The following ZNF98 variants were observed in gnomAD, a reference collection of about 807,000 sequenced individuals.
ZNF98 encodes zinc finger protein 98.
A neutral mutation model predicts 12.8 loss-of-function variants in ZNF98; 8 were observed. That is an observed-to-expected ratio of 0.63 (90% CI 0.37 to 1.13). The LOEUF is 1.13. Ranked by LOEUF, ZNF98 falls within the 50% of genes most tolerant of loss-of-function variation. ZNF98 has a pLI of 0.01. For missense variants in ZNF98, 379 were observed against 666.1 expected, an observed-to-expected ratio of 0.57 and a Z score of 4.74; for synonymous variants, 112 against 223.5, an observed-to-expected ratio of 0.50 and a Z score of 4.45.
Position 22,392,552 on chromosome 19 carries a change from T to A in ZNF98, c.683A>T (p.His228Leu), listed in dbSNP as rs1317814859. ...TTTCTTTCCAGTATGAATTCTTTTA[T>A]GTGTAGAAAGGTTTGAGGCCTCATT... ...AYNEASNLST[H>L]KRIHTGKKPY... The change falls in exon 4 of 4, where the codon CAT (histidine) becomes CTT (leucine). Residue 228 changes from histidine to leucine, a missense_variant. Physicochemically the swap from His to Leu is moderately conservative, Grantham distance 99. Transcript: ENST00000357774. 1 of 1,611,758 alleles carries A rather than the reference T, an allele frequency of 6.2e-7. No homozygotes were observed. The highest frequency in any genetic ancestry group is 8.5e-7 in the Non-Finnish European group (1 of 1,178,650).
At chr19:22,420,938 G>GA in intron 1 of ZNF98, among the ~76,000 whole-genome samples, 1 of 152,246 alleles carries the variant, frequency 6.6e-6, no homozygotes. Context: ...CTTACAAACA[G>GA]AAAACATATC....
Position 22,391,712 on chromosome 19 carries a change from T to G in ZNF98, c.1523A>C (p.His508Pro). The G allele has an allele frequency of 6.2e-7, 1 of 1,614,108 alleles. No homozygotes were observed. Among genetic ancestry groups the G allele is most frequent in the Non-Finnish European group, 8.5e-7 (1 of 1,179,984 alleles). ...AFNQSSHLTTHKMIHTGEKPY... is the reference protein window; with the variant it reads ...AFNQSSHLTTPKMIHTGEKPY... ...TTTCTCTCCAGTATGAATCATCTTA[T>G]GTGTAGTAAGGTGTGAGGACTGGTT... is the stretch of plus-strand genomic sequence containing the variant. Residue 508 changes from histidine to proline, a missense_variant, in exon 4 of 4, where the codon CAT (histidine) becomes CCT (proline). His to Pro is a moderately conservative substitution (Grantham distance 77). Around this residue, in one of 8 missense-constraint regions of ZNF98, gnomAD observed 59 missense variants for 50.3 expected, o/e 1.17. Transcript: ENST00000357774.
At chr19:22,397,414 CAG>C (rs1969409299) in intron 3 of ZNF98, among the ~76,000 whole-genome samples, 1 of 152,018 alleles carries the variant, frequency 6.6e-6, no homozygotes, top group Non-Finnish European at 1.5e-5. Flanking sequence ...TTATTTCTAA[CAG>C]AGGTATAGAA....
In ZNF98 at chr19:22,392,998, T is replaced by C. The variant is rs183845476; in HGVS notation, c.254-17A>G. 2,073 of 1,474,916 alleles carry C rather than the reference T, an allele frequency of 1.4e-3. 3 individuals are homozygous for C. Among genetic ancestry groups the C allele is most frequent in the Admixed American group, 1.8e-3 (69 of 38,098 alleles). 91.4% of individuals were successfully genotyped at this position (1,474,916 alleles called of 1,614,324 possible). ...AATATACAACTGAAAGAAATAAAAA[T>C]AATAAATTACTTCACTTACTAGACT... On this transcript the variant is annotated splice_polypyrimidine_tract_variant and intron_variant, in intron 3 of 3. Coordinates refer to ENST00000357774, the MANE Select transcript of ZNF98 (RefSeq NM_001098626.2).
At chr19:22,412,213 T>C (rs1344617745) in intron 1 of ZNF98, among the ~76,000 whole-genome samples, 1 of 152,150 alleles carries the variant, frequency 6.6e-6, no homozygotes, top group African/African-American at 2.4e-5. Context: ...TCCAAAATTA[T>C]ATGAACCACA....
At chr19:22,416,028 C>T (rs1242118130) in intron 1 of ZNF98, among the ~76,000 whole-genome samples, 1 of 150,000 alleles carries the variant, frequency 6.7e-6, no homozygotes, top group Non-Finnish European at 1.5e-5. Flanking sequence ...CCTGTAGTCC[C>T]AGCTACTCGG....
At chr19:22,409,913 C>CA (rs71180546) in intron 1 of ZNF98, among the ~76,000 whole-genome samples, 2,909 of 89,308 alleles carry the variant, frequency 0.033, 68 homozygotes, top group African/African-American at 0.093. Flanking sequence ...CTCTATCTCA[C>CA]AAAAAAAAAA....
chr19:22,398,926 C>G (rs1355249508), intron 3 of ZNF98, among the ~76,000 whole-genome samples: 3 of 151,978 alleles, frequency 2.0e-5, no homozygotes, highest in South Asian at 2.1e-4. Context: ...TTAGCCATAA[C>G]CAAAATTGGG....
At chr19:22,403,592 G>A in intron 1 of ZNF98, 80 bp from the exon 2 acceptor site, 1 of 1,426,542 alleles carries the variant, frequency 7.0e-7, no homozygotes, top group Non-Finnish European at 9.4e-7. Context: ...GGTAAAACAA[G>A]AGTAAAGAGA....
At chr19:22,403,134 C>T (rs964332166) in intron 2 of ZNF98, among the ~76,000 whole-genome samples, 7 of 151,582 alleles carry the variant, frequency 4.6e-5, no homozygotes, top group Admixed American at 2.6e-4. Context: ...GTATGTTATG[C>T]CACTAAATTT....
chr19:22,418,519 C>T (rs1014241490), intron 1 of ZNF98, among the ~76,000 whole-genome samples: 1 of 152,170 alleles, frequency 6.6e-6, no homozygotes, highest in Non-Finnish European at 1.5e-5. Flanking sequence ...TTAGTTGGTG[C>T]TCTTTTTTCT....
chr19:22,411,523 C>T (rs1969580098), intron 1 of ZNF98, among the ~76,000 whole-genome samples: 1 of 152,158 alleles, frequency 6.6e-6, no homozygotes, highest in African/African-American at 2.4e-5. Flanking sequence ...TCTGTGCGTA[C>T]TTTTAATGAC....
At chr19:22,412,939 C>G (rs6511351) in intron 1 of ZNF98, among the ~76,000 whole-genome samples, 135,989 of 152,028 alleles carry the variant, frequency 0.89, 61,083 homozygotes, top group African/African-American at 0.96. Flanking sequence ...TGTAATCCCA[C>G]CTACTCAGGA....
intron 1 of ZNF98, 48 bp from the exon 2 acceptor site, chr19:22,403,560 C>T (rs767609359): frequency 2.5e-5 from 39 of 1,541,330 alleles, no homozygotes; most frequent in Non-Finnish European, 3.2e-5. Context: ...TGGCCATAAA[C>T]AGAATTTTTA....
At chr19:22,416,824 T>TACACACAC (rs35593482) in intron 1 of ZNF98, among the ~76,000 whole-genome samples, 2 of 150,448 alleles carry the variant, frequency 1.3e-5, no homozygotes, top group African/African-American at 4.9e-5. Context: ...CACACACACA[T>TACACACAC]ACACACACAC....
Position 22,391,430 on chromosome 19 carries a change from T to G in ZNF98, c.*86A>C, listed in dbSNP as rs1969320307. 21 of 1,501,644 alleles carry G rather than the reference T, an allele frequency of 1.4e-5. No homozygotes were observed. The highest frequency in any genetic ancestry group is 1.7e-5 in the Non-Finnish European group (19 of 1,126,124). The allele number at this position is 1,501,644 out of a possible 1,614,324, so 93.0% of individuals were successfully genotyped here. On this transcript the variant is annotated 3_prime_UTR_variant, in exon 4 of 4. Transcript: ENST00000357774. ...GTAAGTTTTGCCACACTGTTCACACTTGTAGAAGTTTTCTCCAGAATGAAT... is the reference window on the plus strand; with the variant it reads ...GTAAGTTTTGCCACACTGTTCACACGTGTAGAAGTTTTCTCCAGAATGAAT...
intron 3 of ZNF98, among the ~76,000 whole-genome samples, chr19:22,396,818 A>G (rs1039528564): frequency 1.2e-4 from 18 of 152,178 alleles, no homozygotes; most frequent in Non-Finnish European, 2.6e-4. Flanking sequence ...ACAAAAAAGG[A>G]CATTAAAACT....
intron 3 of ZNF98, among the ~76,000 whole-genome samples, chr19:22,394,309 C>T (rs1296877044): frequency 5.3e-5 from 8 of 150,082 alleles, no homozygotes; most frequent in Non-Finnish European, 1.2e-4. Context: ...CTAGAAATAC[C>T]ATTTGAGCCA....
At chr19:22,397,531 G>A (rs199755971) in intron 3 of ZNF98, among the ~76,000 whole-genome samples, 3,032 of 126,694 alleles carry the variant, frequency 0.024, no homozygotes, top group African/African-American at 0.08. Flanking sequence ...AGTCTTACCA[G>A]TTTTTTTAAA....
Sources: gnomAD v4.1 joint callset for allele counts (sites outside exome capture counted in the v4.1 genomes callset) on GRCh38, gnomAD v4.1.1 for gene constraint, gnomAD v4.1.1 regional missense constraint, MANE v1.5 for transcripts, NCBI Gene and HGNC (gene_info 2026-07-23, HGNC 2026-07-21) for gene names.